The following NAV3 variants were observed in gnomAD, a reference collection of about 807,000 sequenced individuals.
The protein encoded by NAV3 is pore membrane and/or filament interacting like protein 1.
In NAV3, 87 loss-of-function variants were observed where a neutral mutation model predicts 244.7. The ratio of observed to expected loss-of-function variants is 0.36; its 90% confidence interval spans 0.30 to 0.42. NAV3 has a LOEUF of 0.42. Among genes scored for constraint, NAV3 ranks in the 20% least tolerant of loss-of-function variants. The pLI is 1.00. For synonymous variants in NAV3, 1,126 were observed against 1,042.2 expected, an observed-to-expected ratio of 1.08 and a Z score of -1.55; for missense variants, 2,663 against 2,893.3, an observed-to-expected ratio of 0.92 and a Z score of 1.83.
intron 2 of NAV3, among the ~76,000 whole-genome samples, chr12:77,607,981 G>A (rs1248983572): frequency 6.6e-6 from 1 of 152,122 alleles, no homozygotes; most frequent in Non-Finnish European, 1.5e-5. Context: ...CTATAATGAT[G>A]TGAAAGTGTA....
chr12:77,831,374 T>C lies in NAV3; in HGVS notation c.-88T>C. 7.3e-7 allele frequency: 1 copy of C among 1,364,304 alleles called. No homozygotes were observed. Among genetic ancestry groups the C allele is most frequent in the Non-Finnish European group, 9.8e-7 (1 of 1,025,514 alleles). The allele number at this position is 1,364,304 out of a possible 1,614,324, so 84.5% of individuals were successfully genotyped here. A position where few individuals can be genotyped will look rare whatever the true frequency, so the allele number is the denominator to read the frequency against. ...ATGACTGCTAGTTTTGTTTAAAGTA[T>C]TTGTTCTGGAAATACTAAAGTTGGA... On this transcript the variant is annotated 5_prime_UTR_variant, in exon 1 of 40. Transcript: ENST00000397909.
intron 2 of NAV3, among the ~76,000 whole-genome samples, chr12:77,677,428 G>A (rs531956146): frequency 9.2e-5 from 14 of 152,282 alleles, no homozygotes; most frequent in Admixed American, 2.0e-4. Context: ...TTTAATGCCC[G>A]GTTGTTGTTG....
At chr12:78,122,797 A>G (rs999749658) in intron 16 of NAV3, among the ~76,000 whole-genome samples, 1 of 152,182 alleles carries the variant, frequency 6.6e-6, no homozygotes, top group Non-Finnish European at 1.5e-5. Context: ...TTGAAAGACC[A>G]AATTGAAATT....
At position 78,007,011 on chromosome 12, in the gene NAV3, G is replaced by A. The variant is rs1360477132; in HGVS notation, c.1473G>A (p.Val491=). ...EKPVKEEKDQ[V]TEMAPKKTSK... Reference sequence around the variant, plus strand: ...CAGTCAAAGAAGAGAAGGATCAGGTGACAGAGATGGCTCCAAAAAAGACCT... The same window carrying A: ...CAGTCAAAGAAGAGAAGGATCAGGTAACAGAGATGGCTCCAAAAAAGACCT... Residue 491 remains valine, a synonymous_variant, in exon 8 of 40, where the codon GTG becomes GTA. Coordinates refer to ENST00000397909, the MANE Select transcript of NAV3 (RefSeq NM_001024383.2). 6.2e-7 allele frequency: 1 copy of A among 1,614,128 alleles called. No individual in the cohort carries two copies. The highest frequency in any genetic ancestry group is 8.5e-7 in the Non-Finnish European group (1 of 1,180,026).
chr12:78,060,675 T>C (rs564822640), intron 12 of NAV3, among the ~76,000 whole-genome samples: 1 of 152,158 alleles, frequency 6.6e-6, no homozygotes, highest in Non-Finnish European at 1.5e-5. Flanking sequence ...GGTAAATGAG[T>C]TCCAGAAAGA....
At chr12:77,599,316 G>A (rs1362895256) in intron 2 of NAV3, among the ~76,000 whole-genome samples, 1 of 151,928 alleles carries the variant, frequency 6.6e-6, no homozygotes, top group Non-Finnish European at 1.5e-5. Flanking sequence ...TATCTTCAAG[G>A]AGGAAATTTA....
rs924536639 is a variant in NAV3 at position 77,922,258 on chromosome 12, G to GT, written c.244-18054dup. Among the ~76,000 whole-genome samples, 9 of 152,066 alleles carry GT rather than the reference G, an allele frequency of 5.9e-5. No individual in the cohort carries two copies. The South Asian group carries it at 8.3e-4, about 14-fold the overall frequency. ...AATTTTTGAGCTGTGAACCAGAGAG[G>GT]TTTTTTTGGGTTTTGTTTTGATTTG... On this transcript the variant is annotated intron_variant, in intron 1 of 39. Coordinates refer to ENST00000397909, the MANE Select transcript of NAV3 (RefSeq NM_001024383.2).
intron 8 of NAV3, among the ~76,000 whole-genome samples, chr12:78,015,985 T>G: frequency 6.6e-6 from 1 of 152,230 alleles, no homozygotes; most frequent in East Asian, 1.9e-4. Context: ...CTTTGATGCT[T>G]AATTTTCCAA....
chr12:78,030,074 C>A (rs898734461), intron 9 of NAV3, among the ~76,000 whole-genome samples: 1 of 152,256 alleles, frequency 6.6e-6, no homozygotes, highest in East Asian at 1.9e-4. Context: ...TGAATTTTGA[C>A]TTGGGTCCCA....
At chr12:77,958,021 C>T (rs779804288) in intron 3 of NAV3, among the ~76,000 whole-genome samples, 3 of 152,148 alleles carry the variant, frequency 2.0e-5, no homozygotes, top group Non-Finnish European at 4.4e-5. Flanking sequence ...CACGTGTTAA[C>T]TCTCAGGTTT....
rs1008626196 is a variant in NAV3, at chr12:78,212,156, T to A, written c.*1639T>A. The A allele has an allele frequency of 1.3e-5, 2 of 152,618 alleles. No homozygotes were observed. Among genetic ancestry groups the A allele is most frequent in the African/African-American group, 4.8e-5 (2 of 41,432 alleles). 9.5% of individuals were successfully genotyped at this position (152,618 alleles called of 1,614,324 possible). ...TACATGAAGCCAATATATTTTTGGA[T>A]AAGTAAAACTGTCTGAAAGTACATC... On this transcript the variant is annotated 3_prime_UTR_variant, in exon 40 of 40. Coordinates refer to ENST00000397909, the MANE Select transcript of NAV3 (RefSeq NM_001024383.2).
chr12:77,617,113 G>A (rs1871170588), intron 2 of NAV3, among the ~76,000 whole-genome samples: 1 of 152,138 alleles, frequency 6.6e-6, no homozygotes, highest in Admixed American at 6.6e-5. Flanking sequence ...TGTATTGGAA[G>A]CTCTTTGGAC....
At position 77,907,658 on chromosome 12, in the gene NAV3, G is replaced by A. The variant is rs115266892; in HGVS notation, c.244-32661G>A. Among the ~76,000 whole-genome samples, 611 of 152,118 alleles carry A rather than the reference G, an allele frequency of 4.0e-3. 4 individuals carry two copies. The highest frequency in any genetic ancestry group is 0.014 in the African/African-American group (578 of 41,534). On this transcript the variant is annotated intron_variant, in intron 1 of 39. Transcript: ENST00000397909. ...AGACTTTTATACAATCTTCAATATT[G>A]TATTTATCTGTTTTATATGTAGGAG...
intron 2 of NAV3, among the ~76,000 whole-genome samples, chr12:77,767,118 G>A (rs1869818238): frequency 1.3e-5 from 2 of 152,084 alleles, no homozygotes; most frequent in Non-Finnish European, 2.9e-5. Flanking sequence ...AGTCAGAGAG[G>A]TAGGCCCAAA....
Position 77,799,912 on chromosome 12 carries a change from G to C in NAV3, c.73-140407G>C, listed in dbSNP as rs1037504842. Among the ~76,000 whole-genome samples, 4 of 152,130 alleles carry C rather than the reference G, an allele frequency of 2.6e-5. No homozygotes were observed. In the South Asian group the frequency reaches 6.2e-4, roughly 24 times the overall value. On this transcript the variant is annotated intron_variant, in intron 2 of 8. Transcript: ENST00000550042. ...TTATCTTATTAGTTATAATGCTACT[G>C]TAGTTTTTGATTCCCCAGAATCTCA...
chr12:78,050,357 C>T (rs1294160636), intron 10 of NAV3, among the ~76,000 whole-genome samples: 1 of 152,146 alleles, frequency 6.6e-6, no homozygotes. Flanking sequence ...CTACCACCAT[C>T]ACTGTTAAGT....
intron 9 of NAV3, among the ~76,000 whole-genome samples, chr12:78,029,167 C>A (rs917413957): frequency 1.4e-5 from 2 of 141,086 alleles, no homozygotes; most frequent in East Asian, 4.1e-4. Context: ...TGGTGTCTGA[C>A]CCTACCTATT....
At chr12:78,175,480 A>AAAC in intron 25 of NAV3, 53 bp downstream of exon 25, 1 of 1,585,794 alleles carries the variant, frequency 6.3e-7, no homozygotes, top group Non-Finnish European at 8.6e-7. Context: ...ATAATGTGTT[A>AAAC]GGCCTTTTTC....
intron 5 of NAV3, among the ~76,000 whole-genome samples, chr12:77,970,169 T>G (rs981928370): frequency 2.0e-5 from 3 of 152,198 alleles, no homozygotes; most frequent in African/African-American, 4.8e-5. Context: ...AGAGAGGATA[T>G]GAAAATCCCT....
Sources: gnomAD v4.1 joint callset for allele counts (sites outside exome capture counted in the v4.1 genomes callset) on GRCh38, gnomAD v4.1.1 for gene constraint, MANE v1.5 for transcripts, NCBI Gene and HGNC (gene_info 2026-07-23, HGNC 2026-07-21) for gene names.